The following CACNA1C variants were observed in gnomAD, a reference collection of about 807,000 sequenced individuals.
CACNA1C encodes voltage-dependent L-type calcium channel subunit alpha-1C.
In CACNA1C, 30 loss-of-function variants were observed where a neutral mutation model predicts 229.0. The observed-to-expected ratio is 0.13, with a 90% CI of 0.10 to 0.18. The LOEUF (loss-of-function observed/expected upper bound fraction) is 0.18, where lower values mean the gene tolerates loss of function less well. Among genes scored for constraint, CACNA1C ranks in the 10% least tolerant of loss-of-function variants. The probability of loss-of-function intolerance (pLI) is 1.00; values close to 1 mark genes in which losing one functional copy is unlikely to be tolerated. For missense variants in CACNA1C, 1,658 were observed against 2,845.0 expected, an observed-to-expected ratio of 0.58 and a Z score of 9.49; for synonymous variants, 1,114 against 1,132.5, an observed-to-expected ratio of 0.98 and a Z score of 0.33.
rs111587170 is a variant in CACNA1C, at chr12:2,078,705, G to A, written c.49+25094G>A. Among the ~76,000 whole-genome samples, 5 of 152,262 alleles carry A rather than the reference G, an allele frequency of 3.3e-5. 1 individual carries two copies. The highest frequency in any genetic ancestry group is 9.6e-5 in the African/African-American group (4 of 41,546). ...AACTGTACACCTAAAAACGCTTATC[G>A]TGGAAGTCGGTGTGGCGATTCCTCA... On this transcript the variant is annotated intron_variant, in intron 1 of 46. Coordinates refer to ENST00000399655, the MANE Select transcript of CACNA1C (RefSeq NM_000719.7).
In CACNA1C at chr12:2,367,356, G is replaced by A. The variant is rs114488395; in HGVS notation, c.478-81620G>A. On this transcript the variant is annotated intron_variant, in intron 3 of 46. Coordinates refer to ENST00000399655, the MANE Select transcript of CACNA1C (RefSeq NM_000719.7). ...TCCTAACAGGTCATGGACCGGTACC[G>A]GTCCGCCATTGTGGGGACTGGGGAC... Among the ~76,000 whole-genome samples the A allele has an allele frequency of 7.9e-3, 1,196 of 152,276 alleles. 10 individuals carry two copies. Among genetic ancestry groups the A allele is most frequent in the African/African-American group, 0.027 (1,122 of 41,546 alleles).
At chr12:2,104,373 T>C (rs2077443684) in intron 1 of CACNA1C, among the ~76,000 whole-genome samples, 1 of 152,204 alleles carries the variant, frequency 6.6e-6, no homozygotes, top group African/African-American at 2.4e-5. Flanking sequence ...TGGCTGTCTG[T>C]CCGTTATTGG....
At chr12:2,270,901 G>T (rs1156679910) in intron 3 of CACNA1C, among the ~76,000 whole-genome samples, 1 of 152,218 alleles carries the variant, frequency 6.6e-6, no homozygotes, top group African/African-American at 2.4e-5. Flanking sequence ...GGGCTGGATG[G>T]TGGTGGGGGG....
At chr12:2,140,048 C>T (rs931376469) in intron 3 of CACNA1C, among the ~76,000 whole-genome samples, 2 of 151,472 alleles carry the variant, frequency 1.3e-5, no homozygotes, top group East Asian at 3.9e-4. Context: ...GTGACCCAGG[C>T]AGCTCCTGGT....
chr12:2,450,132 A>T (rs1443097886), intron 4 of CACNA1C, among the ~76,000 whole-genome samples: 1 of 152,236 alleles, frequency 6.6e-6, no homozygotes, highest in African/African-American at 2.4e-5. Flanking sequence ...CAAAACAGCA[A>T]TGCAAAGAAT....
intron 3 of CACNA1C, among the ~76,000 whole-genome samples, chr12:2,351,073 T>C (rs1360974203): frequency 6.6e-6 from 1 of 152,248 alleles, no homozygotes; most frequent in Non-Finnish European, 1.5e-5. Flanking sequence ...GTGAACTGTT[T>C]CAGATACTCT....
intron 3 of CACNA1C, among the ~76,000 whole-genome samples, chr12:2,416,375 A>AG (rs1359067899): frequency 6.6e-6 from 1 of 152,062 alleles, no homozygotes. Context: ...AAAAGGAAGG[A>AG]GGGAAGGAAG....
rs750923289 is a variant in CACNA1C, at chr12:2,115,206, T to C, written c.50-18T>C. 18 of 1,522,602 alleles carry C rather than the reference T, an allele frequency of 1.2e-5. No homozygotes were observed. Among genetic ancestry groups the C allele is most frequent in the African/African-American group, 2.8e-5 (2 of 72,512 alleles). The allele number at this position is 1,522,602 out of a possible 1,614,324, so 94.3% of individuals were successfully genotyped here. ...TTTCTATCTAGTAACTGTTGTGTTCTTTTCTCTTTTGCCACAGGTTCCAAC... is the reference window on the plus strand; with the variant it reads ...TTTCTATCTAGTAACTGTTGTGTTCCTTTCTCTTTTGCCACAGGTTCCAAC... On this transcript the variant is annotated intron_variant, in intron 1 of 46. Coordinates refer to ENST00000399655, the MANE Select transcript of CACNA1C (RefSeq NM_000719.7).
intron 5 of CACNA1C, among the ~76,000 whole-genome samples, chr12:2,482,172 G>A (rs757464979): frequency 1.7e-4 from 26 of 152,348 alleles, no homozygotes; most frequent in East Asian, 1.5e-3. Flanking sequence ...CAGGCAGGCC[G>A]CGAGGAAAGC....
Position 2,677,318 on chromosome 12 carries a change from C to A in CACNA1C, c.4956+97C>A. On this transcript the variant is annotated intron_variant, in intron 40 of 46. Coordinates refer to ENST00000399655, the MANE Select transcript of CACNA1C (RefSeq NM_000719.7). The surrounding 1 kb of genome is among the most constrained non-coding windows in gnomAD (Gnocchi z 7.4). ...CGGTCCCTCCCCAGCAGGCTGGAGG[C>A]CAGGTCCCTGCAGAGGGAACCTTTC... 7.3e-7 allele frequency: 1 copy of A among 1,375,588 alleles called. No individual in the cohort carries two copies. Among genetic ancestry groups the A allele is most frequent in the Non-Finnish European group, 9.9e-7 (1 of 1,008,750 alleles). 85.2% of individuals were successfully genotyped at this position (1,375,588 alleles called of 1,614,324 possible). A position where few individuals can be genotyped will look rare whatever the true frequency, so the allele number is the denominator to read the frequency against.
intron 3 of CACNA1C, among the ~76,000 whole-genome samples, chr12:2,193,804 C>G (rs1256590164): frequency 1.3e-5 from 2 of 152,206 alleles, no homozygotes; most frequent in East Asian, 3.8e-4. Flanking sequence ...CTTAGAGCTG[C>G]CAGTCTTTAT....
intron 3 of CACNA1C, among the ~76,000 whole-genome samples, chr12:2,235,691 G>A (rs1474969325): frequency 6.6e-6 from 1 of 152,166 alleles, no homozygotes; most frequent in Non-Finnish European, 1.5e-5. Flanking sequence ...TTGGGAATCA[G>A]TTGCAAAGCA....
intron 16 of CACNA1C, 27 bp downstream of exon 16, chr12:2,584,644 G>C (rs2061738536): frequency 1.4e-6 from 2 of 1,440,884 alleles, no homozygotes; most frequent in African/African-American, 1.4e-5. Context: ...GCCCAGGCCT[G>C]GGGCTCCAGG....
intron 5 of CACNA1C, among the ~76,000 whole-genome samples, chr12:2,480,234 G>A (rs1281156167): frequency 1.3e-5 from 2 of 152,120 alleles, no homozygotes; most frequent in Non-Finnish European, 2.9e-5. Context: ...GTGTCCTATA[G>A]CTATCCAGGC....
At position 2,342,294 on chromosome 12, in the gene CACNA1C, T is replaced by C. The variant is rs75351048; in HGVS notation, c.478-106682T>C. ...TTGTGCACATAACTGGTACCTTTTCTTTTCCCTGCCCTGTCTCGTCACTTA... is the reference window on the plus strand; with the variant it reads ...TTGTGCACATAACTGGTACCTTTTCCTTTCCCTGCCCTGTCTCGTCACTTA... On this transcript the variant is annotated intron_variant, in intron 3 of 46. Transcript: ENST00000399655. Among the ~76,000 whole-genome samples the C allele has an allele frequency of 7.7e-3, 1,171 of 152,338 alleles. 6 individuals are homozygous for C. The highest frequency in any genetic ancestry group is 0.021 in the South Asian group (100 of 4,828).
Position 2,067,063 on chromosome 12 carries a change from T to C in CACNA1C, c.49+13452T>C, listed in dbSNP as rs147860991. On this transcript the variant is annotated intron_variant, in intron 1 of 46. Transcript: ENST00000399655. This position sits in a 1 kb window ranked among gnomAD's most constrained non-coding sequence, Gnocchi z 5.3. ...AGCATGAGTTAGGGGCCAGGAGTGA[T>C]TGGCATTCCTAGAGAAAGCTTCCCC... Among the ~76,000 whole-genome samples, 532 of 152,168 alleles carry C rather than the reference T, an allele frequency of 3.5e-3. 1 individual carries two copies. Among genetic ancestry groups the C allele is most frequent in the African/African-American group, 0.012 (513 of 41,518 alleles).
chr12:2,544,830 A>G (rs1394583229), intron 9 of CACNA1C, among the ~76,000 whole-genome samples: 1 of 152,228 alleles, frequency 6.6e-6, no homozygotes, highest in Non-Finnish European at 1.5e-5. Context: ...CAACTTTTGA[A>G]GCATTGGTTG....
rs763105882 is a variant in CACNA1C, at chr12:2,665,561, C to T, written c.4399-20C>T. On this transcript the variant is annotated intron_variant, in intron 35 of 46. Transcript: ENST00000399655. The surrounding 1 kb of genome is among the most constrained non-coding windows in gnomAD (Gnocchi z 5.9). ...GTAGGAAGGTCTTCTCACAGCACCTCATTGTACTGTTCCCCACAGATCATC... is the reference window on the plus strand; with the variant it reads ...GTAGGAAGGTCTTCTCACAGCACCTTATTGTACTGTTCCCCACAGATCATC... 4.3e-6 allele frequency: 7 copies of T among 1,612,276 alleles called. No individual in the cohort carries two copies. In the East Asian group the frequency reaches 1.3e-4, roughly 31 times the overall value.
chr12:2,418,439 G>A (rs1375369597), intron 3 of CACNA1C, among the ~76,000 whole-genome samples: 4 of 152,156 alleles, frequency 2.6e-5, no homozygotes, highest in African/African-American at 4.8e-5. Context: ...GCAGAGTTGC[G>A]GGCCTGACGA....
Sources: gnomAD v4.1 joint callset for allele counts (sites outside exome capture counted in the v4.1 genomes callset) on GRCh38, gnomAD v4.1.1 for gene constraint, Gnocchi (gnomAD v3.1) non-coding constraint, MANE v1.5 for transcripts, NCBI Gene and HGNC (gene_info 2026-07-23, HGNC 2026-07-21) for gene names.